The following PRKG1 variants were observed in gnomAD, a reference collection of about 807,000 sequenced individuals.
The protein encoded by PRKG1 is protein kinase cGMP-dependent 1, also known as cGMP-dependent protein kinase 1.
A neutral mutation model predicts 88.1 loss-of-function variants in PRKG1; 35 were observed. That is an observed-to-expected ratio of 0.40 (90% CI 0.30 to 0.53). The LOEUF (loss-of-function observed/expected upper bound fraction) is 0.53, where lower values mean the gene tolerates loss of function less well. PRKG1 is among the 20% of genes least tolerant of loss of function. The probability of loss-of-function intolerance (pLI) is 0.59; values close to 1 mark genes in which losing one functional copy is unlikely to be tolerated. For synonymous variants in PRKG1, 303 were observed against 292.5 expected, an observed-to-expected ratio of 1.04 and a Z score of -0.37; for missense variants, 540 against 839.8, an observed-to-expected ratio of 0.64 and a Z score of 4.41.
chr10:52,070,383 C>A (rs1015289241), intron 7 of PRKG1, among the ~76,000 whole-genome samples: 3 of 152,104 alleles, frequency 2.0e-5, no homozygotes, highest in Non-Finnish European at 4.4e-5. Flanking sequence ...AATCACCATT[C>A]CTTTGTAGGT....
At chr10:51,151,130 C>CA (rs56202198) in intron 1 of PRKG1, among the ~76,000 whole-genome samples, 13 of 119,842 alleles carry the variant, frequency 1.1e-4, no homozygotes, top group East Asian at 2.3e-4. Context: ...CACTCTCTGA[C>CA]AAAAAAAAAA....
chr10:52,065,156 A>T, intron 7 of PRKG1, among the ~76,000 whole-genome samples: 1 of 152,180 alleles, frequency 6.6e-6, no homozygotes, highest in East Asian at 1.9e-4. Context: ...ATGCATGATA[A>T]AAATATTTGG....
At chr10:51,045,006 G>A (rs1843468996) in intron 1 of PRKG1, among the ~76,000 whole-genome samples, 1 of 152,096 alleles carries the variant, frequency 6.6e-6, no homozygotes, top group African/African-American at 2.4e-5. Context: ...GCATGTATTT[G>A]GTAGCTGTTT....
At chr10:51,511,039 GC>G (rs1841388014) in intron 3 of PRKG1, among the ~76,000 whole-genome samples, 1 of 151,702 alleles carries the variant, frequency 6.6e-6, no homozygotes, top group South Asian at 2.1e-4. Flanking sequence ...GGCGTGAGCC[GC>G]TGCGCCTGGC....
chr10:51,130,076 C>T (rs1050026750), intron 1 of PRKG1, among the ~76,000 whole-genome samples: 16 of 152,116 alleles, frequency 1.1e-4, no homozygotes, highest in South Asian at 4.2e-4. Flanking sequence ...ATACAGGAAA[C>T]GACTGGAAAA....
At chr10:52,247,571 C>A (rs1218487893) in intron 9 of PRKG1, among the ~76,000 whole-genome samples, 1 of 152,120 alleles carries the variant, frequency 6.6e-6, no homozygotes, top group Non-Finnish European at 1.5e-5. Context: ...TTCAAATTAT[C>A]TTCAAATAAT....
chr10:51,072,548 T>C (rs1013054433), upstream of PRKG1, among the ~76,000 whole-genome samples: 2 of 152,102 alleles, frequency 1.3e-5, no homozygotes, highest in African/African-American at 2.4e-5. Context: ...AGAGCTATTA[T>C]TATTTTCAAT....
intron 2 of PRKG1, among the ~76,000 whole-genome samples, chr10:51,275,756 A>C (rs1159030267): frequency 3.3e-5 from 5 of 152,108 alleles, no homozygotes; most frequent in Non-Finnish European, 7.4e-5. Flanking sequence ...AATGGCCCCC[A>C]AAAAAGAGAC....
At chr10:51,136,184 A>G (rs978119074) in intron 1 of PRKG1, among the ~76,000 whole-genome samples, 27 of 151,996 alleles carry the variant, frequency 1.8e-4, no homozygotes, top group Non-Finnish European at 3.1e-4. Context: ...GAGAGGGGAT[A>G]AGTTCGAAGG....
At chr10:51,301,783 C>T (rs1483681398) in intron 2 of PRKG1, among the ~76,000 whole-genome samples, 2 of 152,178 alleles carry the variant, frequency 1.3e-5, no homozygotes, top group South Asian at 2.1e-4. Context: ...TGAGCCTCCC[C>T]GGCTGCCACT....
intron 7 of PRKG1, among the ~76,000 whole-genome samples, chr10:52,070,304 T>C (rs1186505058): frequency 6.6e-6 from 1 of 152,198 alleles, no homozygotes; most frequent in Non-Finnish European, 1.5e-5. Context: ...TAGGTGTAAA[T>C]ATCTAGGTCA....
intron 2 of PRKG1, among the ~76,000 whole-genome samples, chr10:51,239,759 G>A (rs1420968061): frequency 6.6e-6 from 1 of 152,180 alleles, no homozygotes; most frequent in Non-Finnish European, 1.5e-5. Context: ...GCTTGAACCA[G>A]ATCGACCTGG....
At chr10:51,758,312 C>A (rs1018207982) in intron 3 of PRKG1, among the ~76,000 whole-genome samples, 6 of 152,084 alleles carry the variant, frequency 3.9e-5, no homozygotes, top group African/African-American at 1.4e-4. Flanking sequence ...AATACCAGTT[C>A]ATTGCAGAAA....
chr10:51,094,732 G>A (rs1844488748), intron 1 of PRKG1, among the ~76,000 whole-genome samples: 1 of 152,158 alleles, frequency 6.6e-6, no homozygotes, highest in African/African-American at 2.4e-5. Context: ...GGCCAAATTA[G>A]GTTGGGTTTT....
chr10:51,218,532 A>ATAT (rs61030217), intron 2 of PRKG1, among the ~76,000 whole-genome samples: 2,047 of 49,274 alleles, frequency 0.042, 176 homozygotes, highest in Non-Finnish European at 0.049. Flanking sequence ...TATATATATA[A>ATAT]AATGTGTGTA....
At chr10:51,592,852 T>A (rs1466589893) in intron 3 of PRKG1, among the ~76,000 whole-genome samples, 1 of 152,232 alleles carries the variant, frequency 6.6e-6, no homozygotes, top group Non-Finnish European at 1.5e-5. Flanking sequence ...ATGTTTCTGA[T>A]GATCCTCACA....
At chr10:52,237,836 A>T (rs1287973809) in intron 9 of PRKG1, among the ~76,000 whole-genome samples, 1 of 143,470 alleles carries the variant, frequency 7.0e-6, no homozygotes, top group Non-Finnish European at 1.5e-5. Context: ...GTTTATATGG[A>T]ACCAAAAAAG....
intron 3 of PRKG1, among the ~76,000 whole-genome samples, chr10:51,615,606 C>A (rs887069500): frequency 3.4e-4 from 47 of 138,152 alleles, no homozygotes; most frequent in African/African-American, 1.2e-3. Flanking sequence ...ATTTTTGAAA[C>A]TTTCAATCTA....
At chr10:51,282,780 T>C (rs547097280) in intron 2 of PRKG1, among the ~76,000 whole-genome samples, 1 of 126,754 alleles carries the variant, frequency 7.9e-6, no homozygotes, top group Admixed American at 8.4e-5. Context: ...TTACAAATTA[T>C]ACAAAAAAAA....
Sources: allele counts gnomAD v4.1 joint callset (sites outside exome capture counted in the v4.1 genomes callset), GRCh38; gene constraint gnomAD v4.1.1; transcripts MANE v1.5; gene names NCBI Gene and HGNC (gene_info 2026-07-23, HGNC 2026-07-21).